The following WSCD2 variants were observed in gnomAD, a reference collection of about 807,000 sequenced individuals.
WSCD2 encodes the protein sialate:O-sulfotransferase 2.
In WSCD2, 28 loss-of-function variants were observed where a neutral mutation model predicts 55.7. The ratio of observed to expected loss-of-function variants is 0.50; its 90% CI spans 0.37 to 0.69. WSCD2 has a LOEUF of 0.69. WSCD2 is among the 30% of genes least tolerant of loss of function. The pLI is 0.00. For missense variants in WSCD2, 616 were observed against 762.1 expected (o/e 0.81, Z 2.26); for synonymous variants, 301 against 301.9 (o/e 1.00, Z 0.03).
intron 1 of WSCD2, among the ~76,000 whole-genome samples, chr12:108,150,649 G>C (rs1020902861): frequency 2.6e-5 from 4 of 152,168 alleles, no homozygotes; most frequent in Non-Finnish European, 5.9e-5. Flanking sequence ...AGAGAGGCAG[G>C]CAGGACCCCG....
At chr12:108,226,612 T>C (rs1486744152) in intron 5 of WSCD2, among the ~76,000 whole-genome samples, 1 of 152,224 alleles carries the variant, frequency 6.6e-6, no homozygotes, top group Non-Finnish European at 1.5e-5. Context: ...CAGTCTTGGT[T>C]GGCCAGAGTG....
At chr12:108,190,225 T>A (rs1209753919) in intron 1 of WSCD2, among the ~76,000 whole-genome samples, 1 of 152,222 alleles carries the variant, frequency 6.6e-6, no homozygotes, top group Non-Finnish European at 1.5e-5. Flanking sequence ...CTTCTGATAT[T>A]TTTATTATTA....
At chr12:108,190,766 C>T (rs145001859) in intron 1 of WSCD2, among the ~76,000 whole-genome samples, 1 of 152,312 alleles carries the variant, frequency 6.6e-6, no homozygotes, top group East Asian at 1.9e-4. Flanking sequence ...TCAGCCTCCT[C>T]CCTGTGGAAA....
At chr12:108,239,885 T>G (rs183030148) in intron 7 of WSCD2, among the ~76,000 whole-genome samples, 11 of 152,178 alleles carry the variant, frequency 7.2e-5, no homozygotes, top group Admixed American at 7.2e-4. Context: ...GGCTAATTTT[T>G]TTTTAATTTT....
chr12:108,149,109 G>A (rs1877699874), intron 1 of WSCD2, among the ~76,000 whole-genome samples: 1 of 152,180 alleles, frequency 6.6e-6, no homozygotes, highest in African/African-American at 2.4e-5. Context: ...GTGATTTGCA[G>A]GAAACCCTGT....
intron 1 of WSCD2, among the ~76,000 whole-genome samples, chr12:108,166,085 G>A (rs1879568513): frequency 6.6e-6 from 1 of 152,202 alleles, no homozygotes; most frequent in Admixed American, 6.5e-5. Flanking sequence ...CTTCCCTTAT[G>A]CTGAGATGGC....
At chr12:108,188,989 G>T (rs1882851169) in intron 1 of WSCD2, among the ~76,000 whole-genome samples, 1 of 152,154 alleles carries the variant, frequency 6.6e-6, no homozygotes. Flanking sequence ...GTCCTATATT[G>T]CTTTCCGGGG....
At chr12:108,146,789 C>A (rs1877437615) in intron 1 of WSCD2, among the ~76,000 whole-genome samples, 1 of 152,174 alleles carries the variant, frequency 6.6e-6, no homozygotes, top group African/African-American at 2.4e-5. Flanking sequence ...TTGGCCTGGG[C>A]CCTGGCTAGA....
In WSCD2 at chr12:108,196,230, A is replaced by G. The variant is rs1461920540; in HGVS notation, c.382+16A>G. ...GAAGAGCGAGGTAAGAGCGAGGAAC[A>G]TCTGGACACTGAGGGGCTGGGGAGA... On this transcript the variant is annotated intron_variant, in intron 2 of 8. Coordinates refer to ENST00000547525, the MANE Select transcript of WSCD2 (RefSeq NM_014653.4). The G allele has an allele frequency of 2.5e-6, 4 of 1,602,600 alleles. No homozygotes were observed. In the Admixed American group the frequency reaches 6.9e-5, roughly 27 times the overall value.
chr12:108,243,909 C>T (rs919937209), intron 8 of WSCD2, among the ~76,000 whole-genome samples: 2 of 152,186 alleles, frequency 1.3e-5, no homozygotes, highest in Non-Finnish European at 2.9e-5. Flanking sequence ...CTAGAACCAC[C>T]ACCCCCACTC....
chr12:108,224,877 G>A lies in WSCD2; in HGVS notation c.804+17G>A, dbSNP rs748476009. 6.2e-6 allele frequency: 10 copies of A among 1,610,208 alleles called. No homozygotes were observed. Among genetic ancestry groups the A allele is most frequent in the Admixed American group, 5.0e-5 (3 of 59,628 alleles). Reference sequence around the variant, plus strand: ...ACTGAGAAGGTGAGCACAAGGTGGGGCCCATGGAACTCAGGGGGAGGGAAC... The same window carrying A: ...ACTGAGAAGGTGAGCACAAGGTGGGACCCATGGAACTCAGGGGGAGGGAAC... On this transcript the variant is annotated intron_variant, in intron 5 of 8. Transcript: ENST00000547525.
intron 4 of WSCD2, among the ~76,000 whole-genome samples, chr12:108,220,579 G>C (rs1375955821): frequency 6.6e-6 from 1 of 152,204 alleles, no homozygotes; most frequent in African/African-American, 2.4e-5. Context: ...AACCAGGCTG[G>C]AGTGCGGGGG....
intron 6 of WSCD2, among the ~76,000 whole-genome samples, chr12:108,230,520 T>A (rs904762264): frequency 6.6e-6 from 1 of 152,204 alleles, no homozygotes; most frequent in Non-Finnish European, 1.5e-5. Flanking sequence ...TAGTCCCATT[T>A]TATAAGTGAG....
chr12:108,175,469 C>A (rs1236053924), intron 1 of WSCD2, among the ~76,000 whole-genome samples: 1 of 152,228 alleles, frequency 6.6e-6, no homozygotes, highest in Admixed American at 6.5e-5. Context: ...TTAATAGGAT[C>A]CAGGCCGCTG....
chr12:108,214,350 ATAGTG>A (rs1886584131), intron 4 of WSCD2, among the ~76,000 whole-genome samples: 1 of 152,224 alleles, frequency 6.6e-6, no homozygotes, highest in Admixed American at 6.5e-5. Context: ...TGTTCCCATA[ATAGTG>A]AGAGCATTAA....
Position 108,173,810 on chromosome 12 carries a change from C to CTGTGTGTG in WSCD2, c.-551-21434_-551-21427dup, listed in dbSNP as rs113409001. On this transcript the variant is annotated intron_variant, in intron 1 of 8. Coordinates refer to ENST00000547525, the MANE Select transcript of WSCD2 (RefSeq NM_014653.4). ...TGAGGCAGAGCTGATTCCTGGCTCT[C>CTGTGTGTG]TGTGTGTGTGTGTGTGTGTGTGTGT... Among the ~76,000 whole-genome samples the CTGTGTGTG allele has an allele frequency of 7.1e-3, 930 of 131,212 alleles. 15 individuals carry two copies. The highest frequency in any genetic ancestry group is 0.021 in the African/African-American group (677 of 32,720). 86.1% of individuals were successfully genotyped at this position (131,212 alleles called of 152,430 possible).
At chr12:108,141,419 C>T (rs775656120) in intron 1 of WSCD2, among the ~76,000 whole-genome samples, 1 of 152,170 alleles carries the variant, frequency 6.6e-6, no homozygotes, top group Admixed American at 6.5e-5. Flanking sequence ...TACAAATTTA[C>T]TATCTGCCAG....
intron 2 of WSCD2, among the ~76,000 whole-genome samples, chr12:108,205,572 C>A (rs749754679): frequency 6.6e-6 from 1 of 152,112 alleles, no homozygotes; most frequent in Non-Finnish European, 1.5e-5. Flanking sequence ...TTACAATTTT[C>A]CTTTGAATGG....
At chr12:108,188,286 T>C (rs1404608498) in intron 1 of WSCD2, among the ~76,000 whole-genome samples, 1 of 151,958 alleles carries the variant, frequency 6.6e-6, no homozygotes, top group Non-Finnish European at 1.5e-5. Context: ...GGGGGCAACA[T>C]ACGGGTGTGC....
Sources: gnomAD v4.1 joint callset for allele counts (sites outside exome capture counted in the v4.1 genomes callset) on GRCh38, gnomAD v4.1.1 for gene constraint, MANE v1.5 for transcripts, NCBI Gene and HGNC (gene_info 2026-07-23, HGNC 2026-07-21) for gene names.